ACBD6: variants seen among roughly 807,000 people sequenced by gnomAD.
The protein encoded by ACBD6 is acyl-CoA binding domain containing 6, also known as acyl-CoA-binding domain-containing protein 6.
Under a neutral mutation model 37.2 loss-of-function variants are expected in ACBD6, and 28 were observed. That is an observed-to-expected ratio of 0.75 (90% CI 0.56 to 1.03). The LOEUF (loss-of-function observed/expected upper bound fraction) is 1.03. Ranked by LOEUF, ACBD6 falls within the 50% of genes least tolerant of loss-of-function variation. The pLI is 0.00. For missense variants in ACBD6, 340 were observed against 337.4 expected, an observed-to-expected ratio of 1.01 and a Z score of -0.06; for synonymous variants, 113 against 126.8, an observed-to-expected ratio of 0.89 and a Z score of 0.73.
chr1:180,387,056 C>T (rs948121485), intron 6 of ACBD6, among the ~76,000 whole-genome samples: 4 of 152,134 alleles, frequency 2.6e-5, no homozygotes, highest in African/African-American at 9.7e-5. Context: ...TTGTGCAGCT[C>T]CTGATCTACT....
chr1:180,348,380 C>T lies in ACBD6; in HGVS notation c.664-33658G>A, dbSNP rs569922726. Among the ~76,000 whole-genome samples the T allele has an allele frequency of 3.0e-4, 45 of 152,184 alleles. No homozygotes were observed. The East Asian group carries it at 4.6e-3, about 16-fold the overall frequency. Reference sequence around the variant, plus strand: ...TACCACTTTTGGTCCAAAAAATGAACGGAAATGATCAGTCCTGGGGTTCAG... The same window carrying T: ...TACCACTTTTGGTCCAAAAAATGAATGGAAATGATCAGTCCTGGGGTTCAG... On this transcript the variant is annotated intron_variant, in intron 6 of 7. Coordinates refer to ENST00000367595, the MANE Select transcript of ACBD6 (RefSeq NM_032360.4).
At chr1:180,416,371 A>C (rs1004000902) in intron 4 of ACBD6, among the ~76,000 whole-genome samples, 1 of 152,210 alleles carries the variant, frequency 6.6e-6, no homozygotes, top group African/African-American at 2.4e-5. Context: ...TGCTTATTTG[A>C]AACAAAATAA....
intron 3 of ACBD6, among the ~76,000 whole-genome samples, chr1:180,480,648 GTTC>G (rs1650995636): frequency 6.6e-6 from 1 of 152,308 alleles, no homozygotes; most frequent in Non-Finnish European, 1.5e-5. Context: ...AAAAGGCAGA[GTTC>G]TTCAAGTCAA....
intron 6 of ACBD6, among the ~76,000 whole-genome samples, chr1:180,370,760 C>T (rs1383481604): frequency 6.6e-6 from 1 of 152,026 alleles, no homozygotes; most frequent in Non-Finnish European, 1.5e-5. Flanking sequence ...TTCTCAAACT[C>T]AGGTATACAA....
At chr1:180,363,930 C>T (rs552305704) in intron 6 of ACBD6, among the ~76,000 whole-genome samples, 8 of 152,266 alleles carry the variant, frequency 5.3e-5, no homozygotes, top group African/African-American at 1.9e-4. Flanking sequence ...TAGAAGTAAG[C>T]TCATGGGATT....
intron 6 of ACBD6, among the ~76,000 whole-genome samples, chr1:180,326,214 G>T (rs1299700413): frequency 6.6e-6 from 1 of 152,126 alleles, no homozygotes; most frequent in African/African-American, 2.4e-5. Context: ...ATTTTACTGA[G>T]GCTAAGCTGG....
At chr1:180,332,663 C>A (rs1038050295) in intron 6 of ACBD6, among the ~76,000 whole-genome samples, 5 of 152,050 alleles carry the variant, frequency 3.3e-5, no homozygotes, top group Admixed American at 6.6e-5. Flanking sequence ...AGGGCTTCCA[C>A]TGATTCTATA....
chr1:180,389,251 G>C (rs1041103149), intron 6 of ACBD6, among the ~76,000 whole-genome samples: 2 of 152,202 alleles, frequency 1.3e-5, no homozygotes, highest in African/African-American at 4.8e-5. Context: ...AACATGCGGA[G>C]TTTGGTTTTT....
In ACBD6 at chr1:180,427,917, T is replaced by TAA. The variant is rs1210897980; in HGVS notation, c.467+2262_467+2263insTT. ...CTTGGTGACAGAGCAAGACTCTGTCTCAAAAAAAAAAAAAAAACCAAAAAC... is the reference window on the plus strand; with the variant it reads ...CTTGGTGACAGAGCAAGACTCTGTCTAACAAAAAAAAAAAAAAAACCAAAAAC... On this transcript the variant is annotated intron_variant, in intron 4 of 7. Transcript: ENST00000367595. 9.0e-3 allele frequency among the ~76,000 whole-genome samples: 1,013 copies of TAA among 112,164 alleles called. 59 individuals carry two copies. The highest frequency in any genetic ancestry group is 0.063 in the East Asian group (204 of 3,262). The allele number at this position is 112,164 out of a possible 152,430, so 73.6% of individuals were successfully genotyped here.
chr1:180,345,842 T>C (rs554158618), intron 6 of ACBD6, among the ~76,000 whole-genome samples: 1 of 152,332 alleles, frequency 6.6e-6, no homozygotes, highest in South Asian at 2.1e-4. Context: ...CTATATGTTT[T>C]TTTTAACTTT....
chr1:180,413,562 G>T, intron 4 of ACBD6, 91 bp from the exon 5 acceptor site: 1 of 1,010,906 alleles, frequency 9.9e-7, no homozygotes, highest in Non-Finnish European at 1.5e-6. Flanking sequence ...TGACATAGAT[G>T]TTAATGGACT....
intron 6 of ACBD6, among the ~76,000 whole-genome samples, chr1:180,372,833 C>T (rs1038922622): frequency 1.3e-5 from 2 of 152,166 alleles, no homozygotes; most frequent in Non-Finnish European, 2.9e-5. Context: ...AGACTTTGCC[C>T]TTAACAGAAC....
intron 6 of ACBD6, among the ~76,000 whole-genome samples, chr1:180,345,444 A>G (rs1652142608): frequency 6.6e-6 from 1 of 152,206 alleles, no homozygotes; most frequent in Non-Finnish European, 1.5e-5. Context: ...CATTTAGAAA[A>G]TGAAAAGATT....
rs78461046 is a variant in ACBD6 at position 180,360,173 on chromosome 1, C to T, written c.663+37343G>A. On this transcript the variant is annotated intron_variant, in intron 6 of 7. Coordinates refer to ENST00000367595, the MANE Select transcript of ACBD6 (RefSeq NM_032360.4). ...GAACACACAGGGACCTAAGTTTTCT[C>T]TTCTGCACCTTCTCTAAAATGAAAG... Among the ~76,000 whole-genome samples, 27 of 152,254 alleles carry T rather than the reference C, an allele frequency of 1.8e-4. No homozygotes were observed. In the East Asian group the frequency reaches 5.0e-3, roughly 28 times the overall value.
chr1:180,331,455 G>A (rs564270817), intron 6 of ACBD6, among the ~76,000 whole-genome samples: 20 of 152,162 alleles, frequency 1.3e-4, no homozygotes, highest in South Asian at 4.2e-4. Context: ...TTTCCATATC[G>A]AAGTTTAATT....
intron 9 of ACBD6, chr1:180,277,502 C>T (rs1391987506): frequency 6.6e-6 from 1 of 152,122 alleles, no homozygotes; most frequent in Non-Finnish European, 1.5e-5. Context: ...AGTTAAAACC[C>T]CAAGTTCCAG....
In ACBD6 at chr1:180,413,488, AAAGG is replaced by A; in HGVS notation, c.468-21_468-18del. Reference sequence around the variant, plus strand: ...TCTTCTTCCCTAGAATAAAAAAAAGAAAGGTCTTTTTTTACTGGGTAATACATTA... The same window carrying A: ...TCTTCTTCCCTAGAATAAAAAAAAGATCTTTTTTTACTGGGTAATACATTA... On this transcript the variant is annotated intron_variant, in intron 4 of 7. Transcript: ENST00000367595. 1 of 1,569,102 alleles carries A rather than the reference AAAGG, an allele frequency of 6.4e-7. No individual in the cohort carries two copies. Among genetic ancestry groups the A allele is most frequent in the Non-Finnish European group, 8.8e-7 (1 of 1,142,742 alleles).
chr1:180,359,983 A>C (rs1210461790), intron 6 of ACBD6, among the ~76,000 whole-genome samples: 1 of 152,194 alleles, frequency 6.6e-6, no homozygotes, highest in Non-Finnish European at 1.5e-5. Flanking sequence ...AAAAATCAGA[A>C]TATCAAACTT....
intron 6 of ACBD6, among the ~76,000 whole-genome samples, chr1:180,334,922 T>A (rs570282419): frequency 7.0e-4 from 106 of 151,664 alleles, no homozygotes; most frequent in Admixed American, 1.4e-3. Context: ...TGATAGGAGA[T>A]CAAATGAATG....
Sources: allele counts gnomAD v4.1 joint callset (sites outside exome capture counted in the v4.1 genomes callset), GRCh38; gene constraint gnomAD v4.1.1; transcripts MANE v1.5; gene names NCBI Gene and HGNC (gene_info 2026-07-23, HGNC 2026-07-21).